Variants in TPM4 observed in about 807,000 individuals in gnomAD.
TPM4 encodes the protein tropomyosin 4.
TPM4 carries 17 observed loss-of-function variants against 35.8 expected under a neutral mutation model. The ratio of observed to expected loss-of-function variants is 0.47; its 90% CI spans 0.32 to 0.71. TPM4 has a LOEUF of 0.71. Among genes scored for constraint, TPM4 ranks in the 30% least tolerant of loss-of-function variants. TPM4 has a pLI of 0.03. For synonymous variants in TPM4, 120 were observed against 122.9 expected (o/e 0.98, Z 0.15); for missense variants, 240 against 320.9 (o/e 0.75, Z 1.93).
Position 16,093,617 on chromosome 19 carries a change from A to G in TPM4, c.594+19A>G, listed in dbSNP as rs2090654700. The G allele has an allele frequency of 6.2e-7, 1 of 1,614,118 alleles. No homozygotes were observed. The highest frequency in any genetic ancestry group is 1.3e-5 in the African/African-American group (1 of 74,940). The stretch of plus-strand genomic sequence containing the variant: ...GAAAGAGGTGAGTGTGGTGGCACCC[A>G]GCGAGCTCTGGTTTCTCCTGGGGCT... On this transcript the variant is annotated intron_variant, in intron 6 of 7. Transcript: ENST00000643579.
At chr19:16,078,774 G>A (rs1028007957) in intron 1 of TPM4, among the ~76,000 whole-genome samples, 5 of 150,836 alleles carry the variant, frequency 3.3e-5, no homozygotes, top group Non-Finnish European at 5.9e-5. Flanking sequence ...GCTTCTTTCC[G>A]TCTGGGAGAG....
chr19:16,078,517 C>T (rs2090440631), intron 1 of TPM4, among the ~76,000 whole-genome samples: 1 of 152,202 alleles, frequency 6.6e-6, no homozygotes. Flanking sequence ...CCCAAGAGGC[C>T]TTAGAAACCC....
chr19:16,075,070 T>G (rs965730058), upstream of TPM4: 1 of 151,702 alleles, frequency 6.6e-6, no homozygotes, highest in African/African-American at 2.4e-5. Flanking sequence ...CCAGCCTTGG[T>G]GACAGAGCGA....
intron 1 of TPM4, chr19:16,080,685 G>A (rs986431002): frequency 2.0e-5 from 5 of 246,736 alleles, no homozygotes; most frequent in East Asian, 1.2e-4. Flanking sequence ...GGTGGTGTCC[G>A]TCTGTAATCC....
At chr19:16,075,950 C>T, upstream of TPM4, 4 of 1,472,624 alleles carry the variant, frequency 2.7e-6, no homozygotes, top group South Asian at 5.5e-5. Context: ...CAGAGAGAGA[C>T]GGAGGACTCT....
upstream of TPM4, chr19:16,074,283 T>C (rs2090383998): frequency 1.3e-5 from 2 of 152,202 alleles, no homozygotes; most frequent in African/African-American, 4.8e-5. Flanking sequence ...CAAAACACCA[T>C]AGACTGGGTA....
At chr19:16,088,855 A>AT in intron 4 of TPM4, 190 bp from the exon 5 acceptor site, 1 of 1,395,658 alleles carries the variant, frequency 7.2e-7, no homozygotes, top group Non-Finnish European at 9.3e-7. Flanking sequence ...GCCTGGTATG[A>AT]TAAGCCTTTG....
At chr19:16,098,884 G>C (rs1475979113) in intron 7 of TPM4, among the ~76,000 whole-genome samples, 3 of 152,144 alleles carry the variant, frequency 2.0e-5, no homozygotes, top group African/African-American at 7.2e-5. Context: ...ATGCCAACGT[G>C]AACAAGCTGC....
At chr19:16,075,506 G>C (rs2090394743), upstream of TPM4, 1 of 152,618 alleles carries the variant, frequency 6.6e-6, no homozygotes, top group Non-Finnish European at 1.5e-5. Flanking sequence ...GCCCTTCAGA[G>C]TATTTTGGTA....
At chr19:16,072,994 G>A (rs1399441737), upstream of TPM4, among the ~76,000 whole-genome samples, 1 of 152,028 alleles carries the variant, frequency 6.6e-6, no homozygotes, top group Non-Finnish European at 1.5e-5. Flanking sequence ...GTCCTCACAT[G>A]TTCTTGCCCA....
At chr19:16,094,548 AC>A (rs751624414) in intron 7 of TPM4, among the ~76,000 whole-genome samples, 8 of 151,682 alleles carry the variant, frequency 5.3e-5, no homozygotes, top group Non-Finnish European at 1.0e-4. Flanking sequence ...AAAAAAAAAA[AC>A]TTCACAATTT....
intron 1 of TPM4, among the ~76,000 whole-genome samples, chr19:16,078,563 T>G (rs751369207): frequency 3.4e-4 from 52 of 152,330 alleles, no homozygotes; most frequent in Middle Eastern, 3.4e-3. Flanking sequence ...TCTGGCCTCT[T>G]TCTCACACTT....
At chr19:16,080,399 A>G (rs1460658504) in intron 1 of TPM4, 2 of 203,118 alleles carry the variant, frequency 9.8e-6, no homozygotes, top group Non-Finnish European at 2.0e-5. Context: ...CCTGCTGGGC[A>G]TAAGCGGCGC....
rs559681859 is a variant in TPM4, at chr19:16,070,843, G to A, written c.114+3105G>A. Among the ~76,000 whole-genome samples, 39 of 151,822 alleles carry A rather than the reference G, an allele frequency of 2.6e-4. No homozygotes were observed. In the South Asian group the frequency reaches 4.6e-3, roughly 18 times the overall value. On this transcript the variant is annotated intron_variant, in intron 2 of 2. Transcript: ENST00000589897. This position sits in a 1 kb window ranked among gnomAD's most constrained non-coding sequence, Gnocchi z 7.4. Reference sequence around the variant, plus strand: ...GTGTTCCCTGCCACAAGCTCTCTCCGCCTTCTCTGTGCCCCTCCCTGGCAA... The same window carrying A: ...GTGTTCCCTGCCACAAGCTCTCTCCACCTTCTCTGTGCCCCTCCCTGGCAA...
chr19:16,086,337 G>A (rs1468608417), intron 2 of TPM4, 86 bp from the exon 3 acceptor site: 11 of 1,231,764 alleles, frequency 8.9e-6, no homozygotes, highest in South Asian at 2.4e-5. Flanking sequence ...ATGACAGAGC[G>A]AGACTCCATC....
At chr19:16,089,668 C>CCT (rs2090601900) in intron 5 of TPM4, among the ~76,000 whole-genome samples, 1 of 129,502 alleles carries the variant, frequency 7.7e-6, no homozygotes, top group South Asian at 2.5e-4. Context: ...CCACCCCCCA[C>CCT]TTTTTTTTTT....
chr19:16,088,273 C>A, intron 4 of TPM4, 176 bp downstream of exon 4: 1 of 1,411,698 alleles, frequency 7.1e-7, no homozygotes. Flanking sequence ...GTGACTTGTT[C>A]TTACTGCCAT....
chr19:16,093,529 C>T lies in TPM4; in HGVS notation c.532-7C>T. 1 of 1,613,976 alleles carries T rather than the reference C, an allele frequency of 6.2e-7. No individual in the cohort carries two copies. Among genetic ancestry groups the T allele is most frequent in the Non-Finnish European group, 8.5e-7 (1 of 1,180,016 alleles). On this transcript the variant is annotated splice_polypyrimidine_tract_variant and splice_region_variant and intron_variant, in intron 5 of 7. Transcript: ENST00000643579. ...TTCTTAAAGCAGTGTTTTGGTTTCT[C>T]CCACAGTATTCTGAAAAGGAGGACA...
chr19:16,068,773 CTGTG>C (rs201129044), intron 2 of TPM4, among the ~76,000 whole-genome samples: 1 of 151,692 alleles, frequency 6.6e-6, no homozygotes, highest in Non-Finnish European at 1.5e-5. Flanking sequence ...GTGAGTGTAT[CTGTG>C]TGTGTTTGAG....
Sources: allele counts gnomAD v4.1 joint callset (sites outside exome capture counted in the v4.1 genomes callset), GRCh38; gene constraint gnomAD v4.1.1; non-coding constraint Gnocchi (gnomAD v3.1); transcripts MANE v1.5; gene names NCBI Gene and HGNC (gene_info 2026-07-23, HGNC 2026-07-21).